Variants in PRTG observed in about 807,000 individuals in gnomAD.
The protein encoded by PRTG is immunoglobulin superfamily, DCC subclass, member 5.
A neutral mutation model predicts 122.5 loss-of-function variants in PRTG; 67 were observed. That is an observed-to-expected ratio of 0.55 (90% CI 0.45 to 0.67). PRTG has a LOEUF of 0.67. PRTG is among the 30% of genes least tolerant of loss of function. PRTG has a pLI of 0.00. For missense variants in PRTG, 1,435 were observed against 1,415.4 expected, an observed-to-expected ratio of 1.01 and a Z score of -0.22; for synonymous variants, 554 against 501.1, an observed-to-expected ratio of 1.11 and a Z score of -1.41.
Position 55,683,803 on chromosome 15 carries a change from G to A in PRTG, c.526C>T (p.Pro176Ser), listed in dbSNP as rs746491854. The A allele has an allele frequency of 6.2e-7, 1 of 1,613,634 alleles. No individual in the cohort carries two copies. The highest frequency in any genetic ancestry group is 8.5e-7 in the Non-Finnish European group (1 of 1,179,748). Residue 176 changes from proline (P) to serine (S), a missense_variant, in exon 3 of 20, where the codon CCT (proline) becomes TCT (serine). Coordinates refer to ENST00000389286, the MANE Select transcript of PRTG (RefSeq NM_173814.6). ...TACATCTACCTGTCCATAGTCATAGGTAGAGTTGTCCGATTGAACTCCCAT... is the reference window on the plus strand; with the variant it reads ...TACATCTACCTGTCCATAGTCATAGATAGAGTTGTCCGATTGAACTCCCAT... Reference protein sequence around the residue: ...ITWEFNRTTLPMTMDRITALP... With the variant: ...ITWEFNRTTLSMTMDRITALP...
intron 11 of PRTG, among the ~76,000 whole-genome samples, chr15:55,657,031 T>C (rs892168952): frequency 4.6e-5 from 7 of 152,176 alleles, no homozygotes; most frequent in Non-Finnish European, 1.0e-4. Context: ...CAATGAATCA[T>C]ACTAGAATGT....
chr15:55,723,995 C>T (rs1308862909), intron 2 of PRTG, among the ~76,000 whole-genome samples: 1 of 152,106 alleles, frequency 6.6e-6, no homozygotes. Context: ...TCATGATCCG[C>T]CTGCCTCGGC....
At position 55,644,596 on chromosome 15, in the gene PRTG, C is replaced by A. The variant is rs576853721; in HGVS notation, c.2042-3388G>T. Among the ~76,000 whole-genome samples, 3 of 152,138 alleles carry A rather than the reference C, an allele frequency of 2.0e-5. No homozygotes were observed. The East Asian group carries it at 5.8e-4, about 29-fold the overall frequency. On this transcript the variant is annotated intron_variant, in intron 11 of 19. Coordinates refer to ENST00000389286, the MANE Select transcript of PRTG (RefSeq NM_173814.6). ...AGAGAACCGAGTTGCTCCTTTAATG[C>A]CCCAAGCACTTGGCTACTGCCCACT...
chr15:55,725,782 ATCTATTTGAGACACAGTCTCACTC>A (rs2031008775), intron 2 of PRTG, among the ~76,000 whole-genome samples: 1 of 152,148 alleles, frequency 6.6e-6, no homozygotes, highest in Non-Finnish European at 1.5e-5. Flanking sequence ...AACTTTATTT[ATCTATTTGAGACACAGTCTCACTC>A]TGTCACATAG....
chr15:55,679,910 T>C, intron 6 of PRTG, 144 bp downstream of exon 6: 1 of 646,670 alleles, frequency 1.5e-6, no homozygotes, highest in Admixed American at 3.1e-5. Flanking sequence ...ACATAAATAT[T>C]TGTTTTTTCC....
At chr15:55,668,892 T>C (rs998714443) in intron 11 of PRTG, among the ~76,000 whole-genome samples, 8 of 152,322 alleles carry the variant, frequency 5.3e-5, no homozygotes, top group African/African-American at 1.9e-4. Flanking sequence ...CTAAGTATAA[T>C]TAAATTTAGT....
At chr15:55,695,233 T>A (rs866709739) in intron 2 of PRTG, among the ~76,000 whole-genome samples, 1 of 152,218 alleles carries the variant, frequency 6.6e-6, no homozygotes, top group Non-Finnish European at 1.5e-5. Context: ...ACTACTAATT[T>A]AATAAATATT....
chr15:55,627,203 C>G, intron 16 of PRTG, 75 bp from the exon 17 acceptor site: 1 of 1,151,260 alleles, frequency 8.7e-7, no homozygotes. Flanking sequence ...CAGGTACTTG[C>G]TTTTCCAAAA....
Position 55,671,377 on chromosome 15 carries a change from CA to C in PRTG, c.2041+1067del, listed in dbSNP as rs1459734137. Reference sequence around the variant, plus strand: ...TATTTAGCAGGTTAGTCATCATAATCAAAGGGACTGCTTTGTACTTAAGGGT... The same window carrying C: ...TATTTAGCAGGTTAGTCATCATAATCAAGGGACTGCTTTGTACTTAAGGGT... On this transcript the variant is annotated intron_variant, in intron 11 of 19. Coordinates refer to ENST00000389286, the MANE Select transcript of PRTG (RefSeq NM_173814.6). Among the ~76,000 whole-genome samples the C allele has an allele frequency of 5.3e-5, 8 of 152,342 alleles. No homozygotes were observed. In the East Asian group the frequency reaches 1.5e-3, roughly 29 times the overall value.
chr15:55,648,902 G>C (rs900301485), intron 11 of PRTG, among the ~76,000 whole-genome samples: 1 of 151,748 alleles, frequency 6.6e-6, no homozygotes, highest in Non-Finnish European at 1.5e-5. Flanking sequence ...TTTGAGACCA[G>C]CCTGGCCAAT....
At chr15:55,641,961 T>A (rs935702187) in intron 11 of PRTG, among the ~76,000 whole-genome samples, 1 of 147,344 alleles carries the variant, frequency 6.8e-6, no homozygotes, top group Non-Finnish European at 1.5e-5. Context: ...GATCATGAGG[T>A]CAGGAGATCG....
intron 11 of PRTG, among the ~76,000 whole-genome samples, chr15:55,651,919 A>G (rs917555592): frequency 4.6e-5 from 7 of 152,172 alleles, no homozygotes; most frequent in African/African-American, 1.4e-4. Flanking sequence ...CCATCCTTCT[A>G]TGGAAATTCT....
chr15:55,679,155 T>C, intron 7 of PRTG, 131 bp downstream of exon 7: 4 of 604,414 alleles, frequency 6.6e-6, no homozygotes, highest in Non-Finnish European at 5.7e-6. Flanking sequence ...TCTTAATTTC[T>C]TAGTTTAGTT....
intron 2 of PRTG, among the ~76,000 whole-genome samples, chr15:55,688,175 G>A (rs967312385): frequency 7.9e-5 from 12 of 152,194 alleles, no homozygotes; most frequent in Non-Finnish European, 1.5e-4. Flanking sequence ...ATTACTGGCT[G>A]TCTCCCCTTC....
At position 55,641,672 on chromosome 15, in the gene PRTG, T is replaced by C. The variant is rs1382326317; in HGVS notation, c.2042-464A>G. ...TCCAAAAAGTTAAAGAAAATTACAATTGTCATTCTTTAGTACCTTTGAAAA... is the reference window on the plus strand; with the variant it reads ...TCCAAAAAGTTAAAGAAAATTACAACTGTCATTCTTTAGTACCTTTGAAAA... On this transcript the variant is annotated intron_variant, in intron 11 of 19. Transcript: ENST00000389286. Among the ~76,000 whole-genome samples the C allele has an allele frequency of 4.6e-5, 7 of 152,320 alleles. No individual in the cohort carries two copies. In the South Asian group the frequency reaches 6.2e-4, roughly 14 times the overall value.
chr15:55,718,543 C>T (rs966321878), intron 2 of PRTG, among the ~76,000 whole-genome samples: 11 of 151,808 alleles, frequency 7.2e-5, no homozygotes, highest in Admixed American at 6.6e-4. Context: ...CGGCCCCACC[C>T]CTATCTCCCT....
chr15:55,741,450 G>A (rs1273239319), intron 1 of PRTG, among the ~76,000 whole-genome samples: 2 of 152,292 alleles, frequency 1.3e-5, no homozygotes, highest in East Asian at 3.9e-4. Flanking sequence ...ATAGGAGATC[G>A]CTTAATCAAC....
chr15:55,672,944 A>G (rs1454342030), intron 10 of PRTG, among the ~76,000 whole-genome samples: 2 of 152,200 alleles, frequency 1.3e-5, no homozygotes, highest in Non-Finnish European at 2.9e-5. Context: ...GAGAACAGGC[A>G]CTATTGTCAG....
chr15:55,684,297 A>G lies in PRTG; in HGVS notation c.398-366T>C, dbSNP rs1399071048. 2.0e-5 allele frequency among the ~76,000 whole-genome samples: 3 copies of G among 152,258 alleles called. No individual in the cohort carries two copies. In the East Asian group the frequency reaches 5.8e-4, roughly 29 times the overall value. ...AGAGGAGAGGGAAACAAATAAATTC[A>G]AACTAATCAGGTAAAAACCATTTAC... On this transcript the variant is annotated intron_variant, in intron 2 of 19. Coordinates refer to ENST00000389286, the MANE Select transcript of PRTG (RefSeq NM_173814.6).
Sources: allele counts gnomAD v4.1 joint callset (sites outside exome capture counted in the v4.1 genomes callset), GRCh38; gene constraint gnomAD v4.1.1; transcripts MANE v1.5; gene names NCBI Gene and HGNC (gene_info 2026-07-23, HGNC 2026-07-21).